The following PAPPA variants were observed in gnomAD, a reference collection of about 807,000 sequenced individuals.
PAPPA encodes the protein pappalysin 1.
Under a neutral mutation model 164.0 loss-of-function variants are expected in PAPPA, and 60 were observed. The observed-to-expected ratio is 0.37, with a 90% CI of 0.30 to 0.45. PAPPA has a LOEUF of 0.45. PAPPA is among the 20% of genes least tolerant of loss of function. The pLI, the probability that PAPPA is intolerant of heterozygous loss-of-function variation, is 1.00. For missense variants in PAPPA, 1,782 were observed against 2,087.3 expected (o/e 0.85, Z 2.85); for synonymous variants, 875 against 814.1 (o/e 1.07, Z -1.27).
intron 7 of PAPPA, among the ~76,000 whole-genome samples, chr9:116,238,752 A>G (rs1228124346): frequency 6.6e-6 from 1 of 152,124 alleles, no homozygotes; most frequent in Non-Finnish European, 1.5e-5. Context: ...CAAGGAGTTT[A>G]TTGGAGATCT....
At chr9:116,158,613 A>G (rs1416376771) in intron 1 of PAPPA, among the ~76,000 whole-genome samples, 1 of 152,220 alleles carries the variant, frequency 6.6e-6, no homozygotes, top group Non-Finnish European at 1.5e-5. Flanking sequence ...TGGACTTGGT[A>G]TGTAGTAGGT....
At chr9:116,231,760 C>CTTTTTGTTTTTTT (rs1470170244) in intron 6 of PAPPA, among the ~76,000 whole-genome samples, 1 of 2,826 alleles carries the variant, frequency 3.5e-4, no homozygotes, top group Non-Finnish European at 6.6e-4. Flanking sequence ...CTTTTCTTTT[C>CTTTTTGTTTTTTT]TTTTTCTTTT....
At chr9:116,242,779 C>A (rs1305236357) in intron 7 of PAPPA, among the ~76,000 whole-genome samples, 1 of 152,202 alleles carries the variant, frequency 6.6e-6, no homozygotes, top group Non-Finnish European at 1.5e-5. Context: ...GCTTCCACCC[C>A]ACTAGCAGTG....
At chr9:116,308,001 A>G (rs886287314) in intron 10 of PAPPA, among the ~76,000 whole-genome samples, 12 of 152,180 alleles carry the variant, frequency 7.9e-5, no homozygotes, top group African/African-American at 2.7e-4. Context: ...TGTCTTGTTC[A>G]TGTCAGGTTT....
chr9:116,204,977 A>C (rs1244020832), intron 2 of PAPPA, among the ~76,000 whole-genome samples: 4 of 151,866 alleles, frequency 2.6e-5, no homozygotes, highest in African/African-American at 9.7e-5. Context: ...TTTCCCCCTG[A>C]TATATTTGAG....
intron 9 of PAPPA, among the ~76,000 whole-genome samples, chr9:116,289,355 A>ATGCCATATATATAGCATATATG (rs1845402981): frequency 7.6e-6 from 1 of 131,926 alleles, no homozygotes; most frequent in Non-Finnish European, 1.6e-5. Flanking sequence ...TGGCATATAT[A>ATGCCATATATATAGCATATATG]TGGCATATAT....
chr9:116,286,673 A>T (rs1444772096), intron 9 of PAPPA: 1 of 152,224 alleles, frequency 6.6e-6, no homozygotes, highest in African/African-American at 2.4e-5. Context: ...AAAAACGTTT[A>T]ACCAAAACAT....
intron 4 of PAPPA, among the ~76,000 whole-genome samples, chr9:116,212,346 A>G (rs1844318499): frequency 6.6e-6 from 1 of 152,154 alleles, no homozygotes; most frequent in Non-Finnish European, 1.5e-5. Flanking sequence ...CATATATCTT[A>G]TCATAGTACT....
intron 1 of PAPPA, among the ~76,000 whole-genome samples, chr9:116,174,893 G>A (rs1278946090): frequency 1.3e-5 from 2 of 152,036 alleles, no homozygotes; most frequent in African/African-American, 4.8e-5. Flanking sequence ...GATTAATAGT[G>A]GCAAATTAAA....
chr9:116,164,879 T>C (rs763925614), intron 1 of PAPPA, among the ~76,000 whole-genome samples: 5 of 152,078 alleles, frequency 3.3e-5, no homozygotes, highest in Admixed American at 1.3e-4. Context: ...TGATACTCAG[T>C]TTTGTGAAGT....
intron 2 of PAPPA, among the ~76,000 whole-genome samples, chr9:116,202,841 T>C (rs1046720836): frequency 1.3e-5 from 2 of 152,194 alleles, no homozygotes; most frequent in African/African-American, 4.8e-5. Context: ...AAAAAATATG[T>C]ATTTAACCTT....
chr9:116,352,740 G>C lies in PAPPA; in HGVS notation c.3999G>C (p.Gly1333=), dbSNP rs751712893. ...GCCTCCTGACCTGCATGGAGGATGG[G>C]CTGTGGTCCTTCCCAGAGGCCCTGT... ...NNSLLTCMED[G]LWSFPEALCE... Residue 1333 remains glycine (G), a synonymous_variant, in exon 16 of 22, where the codon GGG becomes GGC. Transcript: ENST00000328252. 6.2e-7 allele frequency: 1 copy of C among 1,613,274 alleles called. No individual in the cohort carries two copies. The highest frequency in any genetic ancestry group is 8.5e-7 in the Non-Finnish European group (1 of 1,180,012).
intron 10 of PAPPA, among the ~76,000 whole-genome samples, chr9:116,329,575 A>G (rs981744588): frequency 1.3e-5 from 2 of 152,062 alleles, no homozygotes; most frequent in African/African-American, 4.8e-5. Context: ...ACCACCCTGA[A>G]TTTGATGTAT....
At chr9:116,329,245 G>A (rs1354526012) in intron 10 of PAPPA, among the ~76,000 whole-genome samples, 8 of 152,102 alleles carry the variant, frequency 5.3e-5, no homozygotes, top group Non-Finnish European at 1.2e-4. Context: ...ATTCAGACCT[G>A]GTCCCGTTCA....
chr9:116,251,782 G>A (rs1392871622), intron 7 of PAPPA, among the ~76,000 whole-genome samples: 1 of 152,188 alleles, frequency 6.6e-6, no homozygotes, highest in African/African-American at 2.4e-5. Context: ...AAAAAAACAA[G>A]AGTTCTTTGT....
intron 14 of PAPPA, among the ~76,000 whole-genome samples, chr9:116,346,364 C>T (rs1053411396): frequency 1.3e-5 from 2 of 152,100 alleles, no homozygotes; most frequent in African/African-American, 4.8e-5. Flanking sequence ...TCTCTCTTGA[C>T]TATTGAGCCG....
intron 7 of PAPPA, among the ~76,000 whole-genome samples, chr9:116,239,558 C>T (rs570971483): frequency 6.6e-6 from 1 of 152,094 alleles, no homozygotes; most frequent in Non-Finnish European, 1.5e-5. Flanking sequence ...GCTCTGTATG[C>T]CCTACTGAAA....
intron 5 of PAPPA, among the ~76,000 whole-genome samples, chr9:116,222,805 T>C (rs895250333): frequency 1.3e-5 from 2 of 152,186 alleles, no homozygotes; most frequent in Non-Finnish European, 2.9e-5. Context: ...TAAATGATAA[T>C]GCATTGTATA....
intron 13 of PAPPA, among the ~76,000 whole-genome samples, chr9:116,340,421 T>C (rs1445636689): frequency 6.6e-6 from 1 of 152,246 alleles, no homozygotes; most frequent in African/African-American, 2.4e-5. Context: ...ATTAGAATTC[T>C]TTCCAAGCTG....
Sources: allele counts gnomAD v4.1 joint callset (sites outside exome capture counted in the v4.1 genomes callset), GRCh38; gene constraint gnomAD v4.1.1; transcripts MANE v1.5; gene names NCBI Gene and HGNC (gene_info 2026-07-23, HGNC 2026-07-21).